The following FGD5 variants were observed in gnomAD, a reference collection of about 807,000 sequenced individuals.
FGD5 encodes FYVE, RhoGEF and PH domain-containing protein 5.
In FGD5, 28 loss-of-function variants were observed where a neutral mutation model predicts 133.4. The ratio of observed to expected loss-of-function variants is 0.21; its 90% CI spans 0.16 to 0.29. FGD5 has a LOEUF of 0.29. FGD5 is among the 10% of genes least tolerant of loss of function. FGD5 has a pLI of 1.00. For synonymous variants in FGD5, 810 were observed against 776.5 expected, an observed-to-expected ratio of 1.04 and a Z score of -0.72; for missense variants, 1,858 against 1,895.2, an observed-to-expected ratio of 0.98 and a Z score of 0.36.
Position 14,831,061 on chromosome 3 carries a change from C to G in FGD5, c.2525+9465C>G, listed in dbSNP as rs147205206. ...TCTGAAGAGGTGAACTTGAGTGAAA[C>G]GTGAAGGATGATCAGACATCCCAAG... is the stretch of plus-strand genomic sequence containing the variant. On this transcript the variant is annotated intron_variant, in intron 1 of 19. Transcript: ENST00000285046. Among the ~76,000 whole-genome samples the G allele has an allele frequency of 3.3e-5, 5 of 152,194 alleles. No individual in the cohort carries two copies. In the East Asian group the frequency reaches 9.7e-4, roughly 29 times the overall value.
At chr3:14,896,803 G>A (rs898358523) in intron 4 of FGD5, among the ~76,000 whole-genome samples, 1 of 152,126 alleles carries the variant, frequency 6.6e-6, no homozygotes, top group African/African-American at 2.4e-5. Context: ...ATTAAATTGA[G>A]TTTAGTTTTA....
At chr3:14,875,294 C>T (rs2037695041) in intron 2 of FGD5, among the ~76,000 whole-genome samples, 1 of 151,608 alleles carries the variant, frequency 6.6e-6, no homozygotes, top group Non-Finnish European at 1.5e-5. Flanking sequence ...AAGGTGGCCC[C>T]TTCCTTGTGT....
At chr3:14,890,273 G>A (rs2038001896) in intron 4 of FGD5, among the ~76,000 whole-genome samples, 1 of 152,142 alleles carries the variant, frequency 6.6e-6, no homozygotes, top group Admixed American at 6.5e-5. Flanking sequence ...TCTCTGGTTT[G>A]CTGGGTCCTA....
Position 14,932,580 on chromosome 3 carries a change from A to G in FGD5, c.4201A>G (p.Lys1401Glu), listed in dbSNP as rs1190425818. The G allele has an allele frequency of 6.2e-6, 10 of 1,612,270 alleles. No homozygotes were observed. In the East Asian group the frequency reaches 2.2e-4, roughly 36 times the overall value. ...VLYTYMASED[K>E]VALESMPLLG... ...TTTTTCCTTCTGTCCTCTGCAGGACAAAGTGGCCTTGGAGAGTATGCCTCT... is the reference window on the plus strand; with the variant it reads ...TTTTTCCTTCTGTCCTCTGCAGGACGAAGTGGCCTTGGAGAGTATGCCTCT... The change falls in exon 19 of 20, where the codon AAA becomes GAA. Residue 1401 changes from lysine (K) to glutamate (E), a missense_variant. Lys to Glu is a moderately conservative substitution (Grantham distance 56, BLOSUM62 1). Transcript: ENST00000285046.
intron 1 of FGD5, among the ~76,000 whole-genome samples, chr3:14,849,472 A>G (rs2037118272): frequency 6.6e-6 from 1 of 152,144 alleles, no homozygotes; most frequent in Non-Finnish European, 1.5e-5. Context: ...GAAGGGGAAT[A>G]TAGCAGAGTG....
Position 14,934,288 on chromosome 3 carries a change from C to T in FGD5, c.*1121C>T, listed in dbSNP as rs937519442. ...GGGCTAAATCGCCTCCTGAGGGTGA[C>T]TGTTGCTTATTCTGCTGGACAGGTT... On this transcript the variant is annotated 3_prime_UTR_variant, in exon 20 of 20. Coordinates refer to ENST00000285046, the MANE Select transcript of FGD5 (RefSeq NM_152536.4). 3 of 152,142 alleles carry T rather than the reference C, an allele frequency of 2.0e-5. No individual in the cohort carries two copies. The highest frequency in any genetic ancestry group is 2.0e-4 in the Admixed American group (3 of 15,276). 9.4% of individuals were successfully genotyped at this position (152,142 alleles called of 1,614,324 possible).
chr3:14,822,044 G>C (rs920605869), intron 1 of FGD5, among the ~76,000 whole-genome samples: 2 of 151,796 alleles, frequency 1.3e-5, no homozygotes, highest in Non-Finnish European at 2.9e-5. Context: ...AGGTTGCAGT[G>C]AGCTGAGATC....
intron 9 of FGD5, among the ~76,000 whole-genome samples, chr3:14,902,519 A>T (rs2038259468): frequency 1.3e-5 from 2 of 152,070 alleles, no homozygotes; most frequent in Non-Finnish European, 1.5e-5. Context: ...CTGGCTGGTG[A>T]AGGGTAGACT....
intron 11 of FGD5, among the ~76,000 whole-genome samples, chr3:14,912,178 CTGG>C (rs1352941244): frequency 6.6e-6 from 1 of 152,088 alleles, no homozygotes; most frequent in African/African-American, 2.4e-5. Context: ...CCAGAGAGAG[CTGG>C]TGGTGCTGGT....
chr3:14,847,805 G>C (rs1465055632), intron 1 of FGD5, among the ~76,000 whole-genome samples: 2 of 152,206 alleles, frequency 1.3e-5, no homozygotes, highest in Non-Finnish European at 2.9e-5. Context: ...ATGAGGCGCT[G>C]AGGTGTAGAG....
At chr3:14,900,971 T>C in intron 8 of FGD5, 32 bp from the exon 9 acceptor site, 1 of 1,613,728 alleles carries the variant, frequency 6.2e-7, no homozygotes, top group South Asian at 1.1e-5. Flanking sequence ...CCTCTTGCAA[T>C]GGCCCAACTC....
intron 18 of FGD5, among the ~76,000 whole-genome samples, chr3:14,927,012 CT>C (rs1399399607): frequency 6.6e-6 from 1 of 152,216 alleles, no homozygotes; most frequent in African/African-American, 2.4e-5. Flanking sequence ...TGAAGCTTCC[CT>C]CTGGAAGGAC....
intron 1 of FGD5, among the ~76,000 whole-genome samples, chr3:14,841,090 A>ACT (rs1179777952): frequency 1.3e-5 from 2 of 152,128 alleles, no homozygotes; most frequent in Non-Finnish European, 2.9e-5. Flanking sequence ...TGTAAAGAAC[A>ACT]CTCAGATGCA....
intron 1 of FGD5, among the ~76,000 whole-genome samples, chr3:14,813,230 G>C (rs560479806): frequency 6.6e-6 from 1 of 152,300 alleles, no homozygotes; most frequent in East Asian, 1.9e-4. Flanking sequence ...GGAAACTGAG[G>C]CTCAGAGAGG....
At chr3:14,918,718 G>T (rs181330730) in intron 12 of FGD5, 36 bp from the exon 13 acceptor site, 9 of 1,602,056 alleles carry the variant, frequency 5.6e-6, no homozygotes, top group South Asian at 5.5e-5. Context: ...GCCCCTCCCT[G>T]CCCCACCCTG....
intron 9 of FGD5, among the ~76,000 whole-genome samples, chr3:14,903,273 T>A (rs2038277698): frequency 6.6e-6 from 1 of 152,194 alleles, no homozygotes; most frequent in African/African-American, 2.4e-5. Flanking sequence ...AAAAGCAATG[T>A]TAAATTTACA....
chr3:14,904,491 A>T (rs533258056), intron 9 of FGD5, among the ~76,000 whole-genome samples: 2 of 128,372 alleles, frequency 1.6e-5, no homozygotes, highest in East Asian at 4.8e-4. Context: ...TGGTGTCATC[A>T]ATATAGATTT....
intron 2 of FGD5, among the ~76,000 whole-genome samples, chr3:14,872,993 T>TG (rs1449662955): frequency 1.3e-5 from 2 of 152,226 alleles, no homozygotes; most frequent in Non-Finnish European, 2.9e-5. Context: ...TCTTTAAGTG[T>TG]GGGGTGCATG....
At chr3:14,883,047 ATTG>A (rs2037856709) in intron 4 of FGD5, among the ~76,000 whole-genome samples, 1 of 151,946 alleles carries the variant, frequency 6.6e-6, no homozygotes, top group Non-Finnish European at 1.5e-5. Context: ...TCATTGTGCT[ATTG>A]TTGTTGGGGG....
Sources: gnomAD v4.1 joint callset for allele counts (sites outside exome capture counted in the v4.1 genomes callset) on GRCh38, gnomAD v4.1.1 for gene constraint, MANE v1.5 for transcripts, NCBI Gene and HGNC (gene_info 2026-07-23, HGNC 2026-07-21) for gene names.